LRTM1: variants seen among roughly 807,000 people sequenced by gnomAD.
The protein encoded by LRTM1 is leucine rich repeat transmembrane protein 1, also known as leucine-rich repeat and transmembrane domain-containing protein 1.
Under a neutral mutation model 32.4 loss-of-function variants are expected in LRTM1, and 38 were observed. The ratio of observed to expected loss-of-function variants is 1.17; its 90% CI spans 0.91 to 1.54. LRTM1 has a LOEUF of 1.54. LRTM1 is among the 40% of genes most tolerant of loss of function. LRTM1 has a pLI of 0.00. For synonymous variants in LRTM1, 186 were observed against 169.9 expected (o/e 1.09, Z -0.74); for missense variants, 466 against 415.4 (o/e 1.12, Z -1.06).
At chr3:54,955,523 A>C (rs1477683094) in intron 1 of LRTM1, among the ~76,000 whole-genome samples, 1 of 152,190 alleles carries the variant, frequency 6.6e-6, no homozygotes, top group African/African-American at 2.4e-5. Flanking sequence ...CCCTCCCTGC[A>C]CTTAGGATAA....
At chr3:54,960,231 C>A (rs112501595) in intron 1 of LRTM1, among the ~76,000 whole-genome samples, 1 of 152,144 alleles carries the variant, frequency 6.6e-6, no homozygotes, top group Non-Finnish European at 1.5e-5. Context: ...TCTTCTGCTG[C>A]GGCCTTGTCA....
intron 1 of LRTM1, among the ~76,000 whole-genome samples, chr3:54,957,382 C>G (rs536945128): frequency 6.6e-6 from 1 of 152,102 alleles, no homozygotes; most frequent in Non-Finnish European, 1.5e-5. Flanking sequence ...CTCCTGGCTT[C>G]AAGCAGTCAT....
upstream of LRTM1, among the ~76,000 whole-genome samples, chr3:54,929,217 A>G (rs1337874364): frequency 3.3e-5 from 5 of 152,176 alleles, no homozygotes; most frequent in African/African-American, 9.7e-5. Context: ...TGGGGACAAC[A>G]TTAGCCCTTA....
chr3:54,918,690 C>T lies in LRTM1; in HGVS notation c.807G>A (p.Leu269=). 1 of 1,614,180 alleles carries T rather than the reference C, an allele frequency of 6.2e-7. No individual in the cohort carries two copies. Among genetic ancestry groups the T allele is most frequent in the Non-Finnish European group, 8.5e-7 (1 of 1,180,036 alleles). The change falls in exon 3 of 3, where the codon TTG becomes TTA. Residue 269 remains leucine, a synonymous_variant. Transcript: ENST00000273286. ...ENHNAGEREL[L]ECELKPKPRP... ...TTGGCTTGGGTTTGAGCTCGCACTC[C>T]AAGAGTTCTCGCTCCCCCGCGTTGT...
intron 1 of LRTM1, among the ~76,000 whole-genome samples, chr3:54,957,164 T>A: frequency 2.4e-5 from 1 of 41,628 alleles, no homozygotes; most frequent in South Asian, 7.6e-4. Context: ...TAAAATAATT[T>A]TCTTTTTTTT....
At chr3:54,934,489 A>G (rs1439362147) in intron 1 of LRTM1, among the ~76,000 whole-genome samples, 1 of 152,214 alleles carries the variant, frequency 6.6e-6, no homozygotes, top group African/African-American at 2.4e-5. Flanking sequence ...TATGAATATC[A>G]GCGGAGTTTG....
intron 1 of LRTM1, among the ~76,000 whole-genome samples, chr3:54,936,425 A>G (rs982528745): frequency 3.2e-4 from 48 of 152,172 alleles, no homozygotes; most frequent in African/African-American, 1.1e-3. Flanking sequence ...TCTGCTTGTC[A>G]TCAAAGTCGC....
rs1700717103 is a variant in LRTM1, at chr3:54,918,328, T to TTTTA, written c.*130_*131insTAAA. 1 of 352,432 alleles carries TTTTA rather than the reference T, an allele frequency of 2.8e-6. No individual in the cohort carries two copies. The highest frequency in any genetic ancestry group is 4.4e-6 in the Non-Finnish European group (1 of 225,004). 21.8% of individuals were successfully genotyped at this position (352,432 alleles called of 1,614,324 possible). On this transcript the variant is annotated 3_prime_UTR_variant, in exon 3 of 3. Coordinates refer to ENST00000273286, the MANE Select transcript of LRTM1 (RefSeq NM_020678.4). Reference sequence around the variant, plus strand: ...TATTTTTTACAGACACATCTTTTTTTTTTCTTTTTTTTTTTTTTTTTTTTT... The same window carrying TTTTA: ...TATTTTTTACAGACACATCTTTTTTTTTTATTTCTTTTTTTTTTTTTTTTTTTTT...
Position 54,958,235 on chromosome 3 carries a change from T to G in LRTM1, c.-222+8693A>C, listed in dbSNP as rs72877970. Among the ~76,000 whole-genome samples, 209 of 152,294 alleles carry G rather than the reference T, an allele frequency of 1.4e-3. 2 individuals carry two copies. Among genetic ancestry groups the G allele is most frequent in the African/African-American group, 4.8e-3 (200 of 41,580 alleles). ...TGCTGACAAGAAAACCAGCAGAATA[T>G]TCCATGTATCGGATGGGTGTGGTGG... On this transcript the variant is annotated intron_variant, in intron 1 of 2. Coordinates refer to the LRTM1 transcript ENST00000493075.
chr3:54,918,889 C>A lies in LRTM1; in HGVS notation c.608G>T (p.Gly203Val), dbSNP rs1450551797. The change falls in exon 3 of 3, where the codon GGA (glycine) becomes GTA (valine). Residue 203 changes from glycine to valine, a missense_variant. Coordinates refer to ENST00000273286, the MANE Select transcript of LRTM1 (RefSeq NM_020678.4). ...TTCACAGATGATGCCGTCTGTTAGTCCCCCTTTAAAAAACAAAAGCAAAGA... is the reference window on the plus strand; with the variant it reads ...TTCACAGATGATGCCGTCTGTTAGTACCCCTTTAAAAAACAAAAGCAAAGA... ...LWLEKFVYKGGLTDGIICESP... is the reference protein window; with the variant it reads ...LWLEKFVYKGVLTDGIICESP... 2.0e-6 allele frequency: 3 copies of A among 1,524,116 alleles called. No homozygotes were observed. In the South Asian group the frequency reaches 3.9e-5, roughly 20 times the overall value. 94.4% of individuals were successfully genotyped at this position (1,524,116 alleles called of 1,614,324 possible). A position where few individuals can be genotyped will look rare whatever the true frequency, so the allele number is the denominator to read the frequency against.
At chr3:54,964,572 G>T (rs562032258) in intron 1 of LRTM1, among the ~76,000 whole-genome samples, 1 of 152,166 alleles carries the variant, frequency 6.6e-6, no homozygotes, top group Non-Finnish European at 1.5e-5. Flanking sequence ...AATGTCTCAG[G>T]TTCCATTTAG....
upstream of LRTM1, chr3:54,928,223 C>T (rs1256927279): frequency 7.3e-6 from 3 of 413,298 alleles, no homozygotes; most frequent in African/African-American, 4.0e-5. Context: ...GACGATGAGC[C>T]GCGTAAAGAA....
At chr3:54,956,358 T>A (rs1701892511) in intron 1 of LRTM1, among the ~76,000 whole-genome samples, 1 of 152,222 alleles carries the variant, frequency 6.6e-6, no homozygotes, top group African/African-American at 2.4e-5. Flanking sequence ...GATGGTCTTG[T>A]TGACCCACCA....
At chr3:54,936,530 G>T (rs909776164) in intron 1 of LRTM1, among the ~76,000 whole-genome samples, 1 of 152,186 alleles carries the variant, frequency 6.6e-6, no homozygotes, top group African/African-American at 2.4e-5. Context: ...CCTTGACTTT[G>T]CTGCAGCCTC....
At chr3:54,940,818 A>G (rs773582442) in intron 1 of LRTM1, among the ~76,000 whole-genome samples, 6 of 152,188 alleles carry the variant, frequency 3.9e-5, no homozygotes, top group African/African-American at 1.4e-4. Flanking sequence ...TCTGAAACCC[A>G]TATGCAAAAA....
intron 1 of LRTM1, among the ~76,000 whole-genome samples, chr3:54,950,612 T>A (rs1209848395): frequency 6.6e-6 from 1 of 151,866 alleles, no homozygotes; most frequent in Non-Finnish European, 1.5e-5. Flanking sequence ...AACAGGAGAG[T>A]GGACCTGCAC....
At chr3:54,927,669 G>A (rs180949245) in intron 1 of LRTM1, among the ~76,000 whole-genome samples, 399 of 152,190 alleles carry the variant, frequency 2.6e-3, no homozygotes, top group African/African-American at 9.2e-3. Context: ...CTATGAAATG[G>A]CCCGTGACAT....
intron 1 of LRTM1, among the ~76,000 whole-genome samples, chr3:54,956,957 G>A (rs1443992667): frequency 6.6e-6 from 1 of 151,966 alleles, no homozygotes; most frequent in Non-Finnish European, 1.5e-5. Flanking sequence ...TAGGAGACTT[G>A]AGGCCCATAA....
chr3:54,955,594 A>G (rs1701867578), intron 1 of LRTM1, among the ~76,000 whole-genome samples: 1 of 152,220 alleles, frequency 6.6e-6, no homozygotes, highest in Admixed American at 6.5e-5. Flanking sequence ...AAGGTCTATC[A>G]GCATGTCAAA....
Sources: gnomAD v4.1 joint callset for allele counts (sites outside exome capture counted in the v4.1 genomes callset) on GRCh38, gnomAD v4.1.1 for gene constraint, MANE v1.5 for transcripts, NCBI Gene and HGNC (gene_info 2026-07-23, HGNC 2026-07-21) for gene names.